Variants in SLCO3A1 observed in about 807,000 individuals in gnomAD.
SLCO3A1 encodes the protein PGE1 transporter.
SLCO3A1 carries 27 observed loss-of-function variants against 63.1 expected under a neutral mutation model. That is an observed-to-expected ratio of 0.43 (90% CI 0.32 to 0.59). SLCO3A1 has a LOEUF of 0.59. Among genes scored for constraint, SLCO3A1 ranks in the 20% least tolerant of loss-of-function variants. The pLI is 0.09. For synonymous variants in SLCO3A1, 473 were observed against 409.9 expected (o/e 1.15, Z -1.86); for missense variants, 773 against 945.8 (o/e 0.82, Z 2.40).
chr15:92,016,230 TAGA>T (rs1407786947), intron 2 of SLCO3A1, among the ~76,000 whole-genome samples: 21 of 71,704 alleles, frequency 2.9e-4, no homozygotes, highest in African/African-American at 1.3e-3. Flanking sequence ...GATAGATAGA[TAGA>T]TAGATAGATA....
intron 2 of SLCO3A1, among the ~76,000 whole-genome samples, chr15:91,974,127 G>C (rs1004502766): frequency 3.9e-5 from 6 of 151,950 alleles, no homozygotes; most frequent in African/African-American, 1.5e-4. Context: ...AAGACTCACG[G>C]GATGTGGGAC....
chr15:91,977,027 T>C (rs1056438698), intron 2 of SLCO3A1, among the ~76,000 whole-genome samples: 2 of 152,148 alleles, frequency 1.3e-5, no homozygotes, highest in East Asian at 3.9e-4. Context: ...GGTGGGAATT[T>C]CCTCTTCCTG....
At chr15:92,165,959 C>G (rs1259790129), downstream of SLCO3A1, 1 of 912,822 alleles carries the variant, frequency 1.1e-6, no homozygotes, top group Non-Finnish European at 1.3e-6. Context: ...GCTGAACATG[C>G]CCAGGGTGGA....
At chr15:92,114,926 A>G (rs1177814604) in intron 4 of SLCO3A1, among the ~76,000 whole-genome samples, 1 of 152,076 alleles carries the variant, frequency 6.6e-6, no homozygotes, top group Admixed American at 6.6e-5. Context: ...TGGTTTTCTC[A>G]TGTCTGGAAT....
chr15:92,171,424 C>G (rs2048520706), intron 10 of SLCO3A1: 1 of 203,780 alleles, frequency 4.9e-6, no homozygotes, highest in South Asian at 1.0e-4. Flanking sequence ...TGTACAGTGA[C>G]ACTTAGAGCC....
intron 2 of SLCO3A1, among the ~76,000 whole-genome samples, chr15:91,964,296 A>AT (rs35669956): frequency 0.41 from 62,613 of 151,256 alleles, 13,034 homozygotes; most frequent in African/African-American, 0.44. Context: ...GTCATCTGTA[A>AT]TTTTTTTTTG....
At chr15:92,010,687 G>A (rs1000768417) in intron 2 of SLCO3A1, among the ~76,000 whole-genome samples, 5 of 151,980 alleles carry the variant, frequency 3.3e-5, no homozygotes, top group East Asian at 1.9e-4. Flanking sequence ...TCAAATGTTC[G>A]GCTGGACTTA....
chr15:92,142,185 C>A (rs1039818661), intron 7 of SLCO3A1, among the ~76,000 whole-genome samples: 2 of 152,200 alleles, frequency 1.3e-5, no homozygotes, highest in African/African-American at 4.8e-5. Flanking sequence ...GGTCTTGTGC[C>A]GGTCTCTGGC....
In SLCO3A1 at chr15:91,862,861, T is replaced by G. The variant is rs925290185; in HGVS notation, c.180+8773T>G. 6.6e-6 allele frequency among the ~76,000 whole-genome samples: 1 copy of G among 152,226 alleles called. No individual in the cohort carries two copies. The highest frequency in any genetic ancestry group is 1.5e-5 in the Non-Finnish European group (1 of 68,044). ...TTCATTTAAAGACTACTGTAAAATA[T>G]TAATGGGAATGGCTATTGTCTTTCA... On this transcript the variant is annotated intron_variant, in intron 1 of 9. Transcript: ENST00000318445. This position sits in a 1 kb window ranked among gnomAD's most constrained non-coding sequence, Gnocchi z 4.0.
chr15:91,861,445 T>G (rs1897044852), intron 1 of SLCO3A1, among the ~76,000 whole-genome samples: 1 of 152,202 alleles, frequency 6.6e-6, no homozygotes, highest in Non-Finnish European at 1.5e-5. Flanking sequence ...GCAGCTCGAT[T>G]GTTTAGTAGA....
chr15:91,887,353 C>T (rs1457963560), intron 1 of SLCO3A1, among the ~76,000 whole-genome samples: 1 of 152,138 alleles, frequency 6.6e-6, no homozygotes, highest in Non-Finnish European at 1.5e-5. Context: ...TGCCCAATTC[C>T]TGCAACAATG....
chr15:92,114,035 T>G (rs908844108), intron 4 of SLCO3A1, among the ~76,000 whole-genome samples: 4 of 152,304 alleles, frequency 2.6e-5, no homozygotes, highest in Middle Eastern at 3.4e-3. Context: ...TGCACATGAA[T>G]GCCAGAAGCA....
chr15:92,120,913 G>A (rs565882802), intron 5 of SLCO3A1, among the ~76,000 whole-genome samples: 6 of 152,276 alleles, frequency 3.9e-5, no homozygotes, highest in Admixed American at 2.0e-4. Context: ...GGAAATTTGA[G>A]GAAGCTATGA....
intron 2 of SLCO3A1, among the ~76,000 whole-genome samples, chr15:92,001,596 G>GC (rs1051646529): frequency 1.2e-4 from 18 of 152,172 alleles, no homozygotes; most frequent in African/African-American, 2.2e-4. Flanking sequence ...GGTCTCACAT[G>GC]CCCCCCCACC....
chr15:91,928,337 A>C (rs1899105127), intron 2 of SLCO3A1, among the ~76,000 whole-genome samples: 1 of 152,128 alleles, frequency 6.6e-6, no homozygotes, highest in African/African-American at 2.4e-5. Context: ...GCCCAAGGAG[A>C]TAGAGGCTGT....
intron 2 of SLCO3A1, among the ~76,000 whole-genome samples, chr15:92,087,326 T>C (rs2047417649): frequency 6.6e-6 from 1 of 152,164 alleles, no homozygotes; most frequent in South Asian, 2.1e-4. Context: ...ATATTTGTTA[T>C]TTCTTGTGCC....
At chr15:92,143,235 C>T (rs931998203) in intron 7 of SLCO3A1, among the ~76,000 whole-genome samples, 1 of 143,084 alleles carries the variant, frequency 7.0e-6, no homozygotes, top group Non-Finnish European at 1.5e-5. Context: ...AATCTTTTTC[C>T]TCACAGACCA....
intron 1 of SLCO3A1, among the ~76,000 whole-genome samples, chr15:91,902,046 A>G (rs989271200): frequency 1.3e-5 from 2 of 150,122 alleles, no homozygotes; most frequent in African/African-American, 4.9e-5. Flanking sequence ...CTTAGTGATT[A>G]TTTTCCAAGT....
chr15:91,906,033 G>A (rs992218657), intron 1 of SLCO3A1, among the ~76,000 whole-genome samples: 30 of 152,176 alleles, frequency 2.0e-4, no homozygotes, highest in African/African-American at 6.8e-4. Flanking sequence ...CACCTTAGCT[G>A]CGTGGCATCA....
Sources: gnomAD v4.1 joint callset for allele counts (sites outside exome capture counted in the v4.1 genomes callset) on GRCh38, gnomAD v4.1.1 for gene constraint, Gnocchi (gnomAD v3.1) non-coding constraint, MANE v1.5 for transcripts, NCBI Gene and HGNC (gene_info 2026-07-23, HGNC 2026-07-21) for gene names.